CELF2: variants seen among roughly 807,000 people sequenced by gnomAD.
The protein encoded by CELF2 is CUGBP Elav-like family member 2.
A neutral mutation model predicts 62.6 loss-of-function variants in CELF2; 8 were observed. The ratio of observed to expected loss-of-function variants is 0.13; its 90% confidence interval spans 0.07 to 0.23. The LOEUF (loss-of-function observed/expected upper bound fraction) is 0.23, where lower values mean the gene tolerates loss of function less well. Ranked by LOEUF, CELF2 falls within the 10% of genes least tolerant of loss-of-function variation. CELF2 has a pLI of 1.00. For missense variants in CELF2, 333 were observed against 671.0 expected, an observed-to-expected ratio of 0.50 and a Z score of 5.56; for synonymous variants, 258 against 250.0, an observed-to-expected ratio of 1.03 and a Z score of -0.30.
chr10:10,770,910 T>C, the CELF2 span, among the ~76,000 whole-genome samples: 2 of 152,276 alleles, frequency 1.3e-5, no homozygotes, highest in Middle Eastern at 3.4e-3. Flanking sequence ...TCACCTGTGG[T>C]GCTGTTTAAA....
At chr10:10,924,493 G>A (rs1215931538) in intron 2 of CELF2, among the ~76,000 whole-genome samples, 2 of 152,024 alleles carry the variant, frequency 1.3e-5, no homozygotes, top group South Asian at 2.1e-4. Flanking sequence ...CTTAAGTACT[G>A]CAGTAGAGAT....
chr10:11,257,114 G>A (rs998225679), intron 4 of CELF2, among the ~76,000 whole-genome samples: 4 of 151,950 alleles, frequency 2.6e-5, no homozygotes, highest in African/African-American at 9.7e-5. Flanking sequence ...CCAGTGTCAC[G>A]GGAAAGAGGT....
At chr10:10,583,615 G>A in the CELF2 span, among the ~76,000 whole-genome samples, 1 of 152,170 alleles carries the variant, frequency 6.6e-6, no homozygotes, top group Non-Finnish European at 1.5e-5. Flanking sequence ...CTGGAAATCA[G>A]TTTCTTTCCT....
chr10:10,729,249 A>T, the CELF2 span, among the ~76,000 whole-genome samples: 2 of 152,228 alleles, frequency 1.3e-5, no homozygotes, highest in Non-Finnish European at 2.9e-5. Flanking sequence ...CCCTTTATTA[A>T]ACAGGCAAAT....
intron 3 of CELF2, among the ~76,000 whole-genome samples, chr10:11,226,046 G>A (rs149589028): frequency 1.1e-4 from 17 of 152,294 alleles, no homozygotes; most frequent in Admixed American, 9.2e-4. Flanking sequence ...GTGGATTTAG[G>A]TGTCATGCTC....
rs955483766 is a variant in CELF2 at position 11,334,027 on chromosome 10, G to A, written c.*4974G>A. 6.6e-6 allele frequency: 1 copy of A among 152,528 alleles called. No homozygotes were observed. The allele number at this position is 152,528 out of a possible 1,614,324, so 9.4% of individuals were successfully genotyped here. Reference sequence around the variant, plus strand: ...TTTCTTTTGAGAATTAAAAACTTTGGCTTGATTTCTTTTTTCCCTTTGCTT... The same window carrying A: ...TTTCTTTTGAGAATTAAAAACTTTGACTTGATTTCTTTTTTCCCTTTGCTT... On this transcript the variant is annotated 3_prime_UTR_variant, in exon 13 of 13. Transcript: ENST00000633077.
chr10:10,579,735 A>C, the CELF2 span, among the ~76,000 whole-genome samples: 8 of 152,174 alleles, frequency 5.3e-5, no homozygotes, highest in Non-Finnish European at 8.8e-5. Flanking sequence ...GAAATGTTTC[A>C]TCTCCTCTAG....
the CELF2 span, among the ~76,000 whole-genome samples, chr10:10,479,815 T>C: frequency 6.6e-6 from 1 of 152,236 alleles, no homozygotes; most frequent in Non-Finnish European, 1.5e-5. Flanking sequence ...ACGTTTGCAA[T>C]CCTGAAATGT....
intron 1 of CELF2, among the ~76,000 whole-genome samples, chr10:11,054,978 G>T (rs1218849953): frequency 6.6e-6 from 1 of 152,230 alleles, no homozygotes; most frequent in Admixed American, 6.5e-5. Context: ...GCCCCCTGGA[G>T]TGCTGGGATT....
chr10:10,672,703 A>G, the CELF2 span, among the ~76,000 whole-genome samples: 4 of 152,002 alleles, frequency 2.6e-5, no homozygotes, highest in Non-Finnish European at 5.9e-5. Flanking sequence ...TTGTAGCTTT[A>G]TAGTAAGTCT....
At chr10:10,966,905 C>A (rs969440982) in intron 2 of CELF2, among the ~76,000 whole-genome samples, 1 of 152,174 alleles carries the variant, frequency 6.6e-6, no homozygotes, top group Admixed American at 6.6e-5. Flanking sequence ...AGCCACTTGA[C>A]TGGAATAGTT....
chr10:10,856,252 G>A (rs1461110673), intron 1 of CELF2, among the ~76,000 whole-genome samples: 6 of 152,078 alleles, frequency 3.9e-5, no homozygotes, highest in African/African-American at 7.2e-5. Context: ...ACCGGATCGC[G>A]TTGTTTTCCT....
At chr10:10,790,674 A>G in the CELF2 span, among the ~76,000 whole-genome samples, 14 of 152,176 alleles carry the variant, frequency 9.2e-5, no homozygotes, top group Non-Finnish European at 1.5e-4. Context: ...TGAAAGGATT[A>G]CCAATGAATC....
At chr10:10,950,147 G>C (rs2048161407) in intron 2 of CELF2, among the ~76,000 whole-genome samples, 1 of 152,142 alleles carries the variant, frequency 6.6e-6, no homozygotes, top group Non-Finnish European at 1.5e-5. Flanking sequence ...TCCCTACCTT[G>C]ACCTTGTCTT....
At chr10:10,565,025 A>T in the CELF2 span, among the ~76,000 whole-genome samples, 4 of 152,232 alleles carry the variant, frequency 2.6e-5, no homozygotes, top group Non-Finnish European at 4.4e-5. Context: ...AGTTTCCAGG[A>T]TTGTACAGCC....
At chr10:10,775,487 G>A in the CELF2 span, among the ~76,000 whole-genome samples, 24 of 152,076 alleles carry the variant, frequency 1.6e-4, no homozygotes, top group African/African-American at 5.6e-4. Flanking sequence ...AAAATTAGCT[G>A]GTCATATGCA....
At chr10:10,904,056 T>C (rs2063141776) in intron 1 of CELF2, among the ~76,000 whole-genome samples, 2 of 152,234 alleles carry the variant, frequency 1.3e-5, no homozygotes, top group South Asian at 4.1e-4. Flanking sequence ...CACGCTGCTG[T>C]GTTCCCTTCC....
intron 2 of CELF2, among the ~76,000 whole-genome samples, chr10:10,958,144 T>A (rs1451451004): frequency 6.6e-6 from 1 of 152,152 alleles, no homozygotes; most frequent in African/African-American, 2.4e-5. Context: ...GAAGGGTGGA[T>A]AAAGGGAATT....
chr10:10,879,563 G>A lies in CELF2; in HGVS notation c.54-40401G>A, dbSNP rs550247201. 6.7e-4 allele frequency among the ~76,000 whole-genome samples: 102 copies of A among 152,286 alleles called. 1 individual carries two copies. Among genetic ancestry groups the A allele is most frequent in the African/African-American group, 2.4e-3 (98 of 41,560 alleles). Reference sequence around the variant, plus strand: ...AGAAAGTCCTGTGATTAAATCATTTGGAAGGGATAAATGGCAATTCCATTT... The same window carrying A: ...AGAAAGTCCTGTGATTAAATCATTTAGAAGGGATAAATGGCAATTCCATTT... On this transcript the variant is annotated intron_variant, in intron 1 of 13. Coordinates refer to the CELF2 transcript ENST00000636488.
Sources: gnomAD v4.1 joint callset for allele counts (sites outside exome capture counted in the v4.1 genomes callset) on GRCh38, gnomAD v4.1.1 for gene constraint, MANE v1.5 for transcripts, NCBI Gene and HGNC (gene_info 2026-07-23, HGNC 2026-07-21) for gene names.